Variants in AIMP1 observed in about 807,000 individuals in gnomAD.
The protein encoded by AIMP1 is aminoacyl tRNA synthetase complex interacting multifunctional protein 1.
Under a neutral mutation model 33.1 loss-of-function variants are expected in AIMP1, and 24 were observed. The observed-to-expected ratio is 0.73, with a 90% CI of 0.53 to 1.02. The LOEUF (loss-of-function observed/expected upper bound fraction) is 1.02, where lower values mean the gene tolerates loss of function less well. Among genes scored for constraint, AIMP1 ranks in the 50% least tolerant of loss-of-function variants. The pLI is 0.00. For synonymous variants in AIMP1, 120 were observed against 121.5 expected, an observed-to-expected ratio of 0.99 and a Z score of 0.08; for missense variants, 367 against 364.8, an observed-to-expected ratio of 1.01 and a Z score of -0.05.
chr4:106,331,944 G>A, intron 5 of AIMP1, 61 bp downstream of exon 5: 2 of 1,453,232 alleles, frequency 1.4e-6, no homozygotes, highest in South Asian at 1.1e-5. Context: ...CCTCCTTCTT[G>A]GTATCTTTCC....
chr4:106,335,766 A>G (rs1038259032), intron 5 of AIMP1, among the ~76,000 whole-genome samples: 2 of 151,980 alleles, frequency 1.3e-5, no homozygotes, highest in Admixed American at 6.6e-5. Context: ...GTAAATTTGC[A>G]TATAACATTT....
At chr4:106,334,411 C>T (rs1769796773) in intron 5 of AIMP1, among the ~76,000 whole-genome samples, 1 of 151,764 alleles carries the variant, frequency 6.6e-6, no homozygotes, top group Non-Finnish European at 1.5e-5. Context: ...ATTACAGGCA[C>T]CACCACCAAG....
chr4:106,329,772 C>CCTTTTT (rs1554000880), intron 4 of AIMP1, among the ~76,000 whole-genome samples: 9 of 53,084 alleles, frequency 1.7e-4, no homozygotes, highest in Non-Finnish European at 2.6e-4. Flanking sequence ...TGCTACATAT[C>CCTTTTT]TTTTTTTTTT....
At chr4:106,344,470 G>C (rs1770217472) in intron 6 of AIMP1, among the ~76,000 whole-genome samples, 1 of 151,972 alleles carries the variant, frequency 6.6e-6, no homozygotes, top group South Asian at 2.1e-4. Context: ...TCTACCTTCT[G>C]AACATACCGA....
Position 106,343,362 on chromosome 4 carries a change from A to T in AIMP1, c.773-4164A>T, listed in dbSNP as rs558412817. 7.2e-4 allele frequency among the ~76,000 whole-genome samples: 109 copies of T among 152,300 alleles called. 2 individuals carry two copies. In the South Asian group the frequency reaches 0.022, roughly 31 times the overall value. Reference sequence around the variant, plus strand: ...AGGCATGTTTTAAAATTCTCCGTTAACTGTGTTTAATGAAATATTACAATA... The same window carrying T: ...AGGCATGTTTTAAAATTCTCCGTTATCTGTGTTTAATGAAATATTACAATA... On this transcript the variant is annotated intron_variant, in intron 6 of 6. Coordinates refer to ENST00000672341, the MANE Select transcript of AIMP1 (RefSeq NM_001142416.2).
At chr4:106,333,996 A>G (rs1769775172) in intron 5 of AIMP1, among the ~76,000 whole-genome samples, 1 of 152,190 alleles carries the variant, frequency 6.6e-6, no homozygotes, top group African/African-American at 2.4e-5. Context: ...GCAGTTTTAA[A>G]TGTCCTCTTT....
At chr4:106,326,799 A>G (rs1311952383) in intron 2 of AIMP1, among the ~76,000 whole-genome samples, 3 of 151,862 alleles carry the variant, frequency 2.0e-5, no homozygotes, top group Non-Finnish European at 2.9e-5. Flanking sequence ...TTTTTGAGAC[A>G]GGGTCTTGCT....
At chr4:106,327,997 A>G in intron 3 of AIMP1, 79 bp from the exon 4 acceptor site, 3 of 1,568,076 alleles carry the variant, frequency 1.9e-6, no homozygotes, top group South Asian at 2.3e-5. Context: ...AAGAGTTCCC[A>G]TTTGTGGTTC....
At chr4:106,318,222 A>C (rs1769059001) in intron 1 of AIMP1, among the ~76,000 whole-genome samples, 1 of 152,236 alleles carries the variant, frequency 6.6e-6, no homozygotes. Flanking sequence ...CTAGGGAATT[A>C]CTGCTGGTTG....
At chr4:106,324,121 A>G (rs1399386741) in intron 1 of AIMP1, among the ~76,000 whole-genome samples, 2 of 152,038 alleles carry the variant, frequency 1.3e-5, no homozygotes, top group Non-Finnish European at 2.9e-5. Context: ...TCTAGTTTTT[A>G]TTCAAAATTT....
intron 6 of AIMP1, 68 bp downstream of exon 6, chr4:106,337,105 A>T (rs1769914343): frequency 7.2e-7 from 1 of 1,385,616 alleles, no homozygotes; most frequent in South Asian, 1.2e-5. Context: ...TGTAATGCTT[A>T]AAGGTTAAAA....
chr4:106,343,763 C>T (rs906486983), intron 6 of AIMP1, among the ~76,000 whole-genome samples: 2 of 152,098 alleles, frequency 1.3e-5, no homozygotes, highest in Non-Finnish European at 2.9e-5. Flanking sequence ...AAAGACAATG[C>T]CAGGTCTTTG....
At chr4:106,346,034 AT>A (rs997921065) in intron 6 of AIMP1, among the ~76,000 whole-genome samples, 3 of 151,446 alleles carry the variant, frequency 2.0e-5, no homozygotes, top group South Asian at 4.2e-4. Flanking sequence ...TACTTCAGCA[AT>A]TTTTTTTATT....
chr4:106,321,147 C>T, intron 1 of AIMP1: 1 of 172,808 alleles, frequency 5.8e-6, no homozygotes, highest in Non-Finnish European at 1.2e-5. Context: ...GCCGAGATTG[C>T]AGCCTCTGCC....
intron 6 of AIMP1, among the ~76,000 whole-genome samples, chr4:106,344,170 C>T (rs999585778): frequency 1.3e-5 from 2 of 152,114 alleles, no homozygotes; most frequent in Admixed American, 6.6e-5. Flanking sequence ...TCTTCCTTAC[C>T]TCCTTAGATT....
chr4:106,332,288 G>T (rs887667776), intron 5 of AIMP1, among the ~76,000 whole-genome samples: 1 of 151,798 alleles, frequency 6.6e-6, no homozygotes, highest in Non-Finnish European at 1.5e-5. Flanking sequence ...CAATCTCCGT[G>T]ATCCCCTCTC....
intron 6 of AIMP1, 85 bp downstream of exon 6, chr4:106,337,122 C>A: frequency 1.6e-6 from 2 of 1,259,354 alleles, no homozygotes; most frequent in East Asian, 2.3e-5. Flanking sequence ...AAAATCAGTC[C>A]TGTGTAAGAA....
At chr4:106,336,792 G>C (rs191667452) in intron 5 of AIMP1, 77 bp from the exon 6 acceptor site, 1 of 1,312,630 alleles carries the variant, frequency 7.6e-7, no homozygotes, top group Non-Finnish European at 1.1e-6. Context: ...AGCATATTAG[G>C]TGTAGCTTAA....
intron 5 of AIMP1, among the ~76,000 whole-genome samples, chr4:106,332,614 C>CAT (rs34698470): frequency 0.026 from 3,755 of 144,650 alleles, 66 homozygotes; most frequent in Non-Finnish European, 0.036. Flanking sequence ...TACAGAGATA[C>CAT]ATATATATAT....
Sources: gnomAD v4.1 joint callset for allele counts (sites outside exome capture counted in the v4.1 genomes callset) on GRCh38, gnomAD v4.1.1 for gene constraint, MANE v1.5 for transcripts, NCBI Gene and HGNC (gene_info 2026-07-23, HGNC 2026-07-21) for gene names.